The following KCND3 variants were observed in gnomAD, a reference collection of about 807,000 sequenced individuals.
The protein encoded by KCND3 is potassium voltage-gated channel subfamily D member 3, also known as A-type voltage-gated potassium channel KCND3.
KCND3 carries 9 observed loss-of-function variants against 51.1 expected under a neutral mutation model. The ratio of observed to expected loss-of-function variants is 0.18; its 90% confidence interval spans 0.11 to 0.31. The LOEUF is 0.31. Ranked by LOEUF, KCND3 falls within the 10% of genes least tolerant of loss-of-function variation. KCND3 has a pLI of 1.00. For missense variants in KCND3, 526 were observed against 903.8 expected (o/e 0.58, Z 5.36); for synonymous variants, 349 against 368.0 (o/e 0.95, Z 0.59).
At chr1:111,858,352 C>T (rs1171342558) in intron 2 of KCND3, among the ~76,000 whole-genome samples, 2 of 152,156 alleles carry the variant, frequency 1.3e-5, no homozygotes. Flanking sequence ...TAAGTTCAAC[C>T]TATCCTGAGC....
chr1:111,852,344 G>A (rs1398959738), intron 2 of KCND3, among the ~76,000 whole-genome samples: 1 of 152,212 alleles, frequency 6.6e-6, no homozygotes, highest in African/African-American at 2.4e-5. Flanking sequence ...CCCTCTGTGG[G>A]GCCTGCTCAG....
At chr1:111,965,096 T>G (rs972167883) in intron 2 of KCND3, among the ~76,000 whole-genome samples, 1 of 150,272 alleles carries the variant, frequency 6.7e-6, no homozygotes, top group Non-Finnish European at 1.5e-5. Context: ...TCATTTTTTT[T>G]GTAAACAGGA....
At chr1:111,891,583 TA>T (rs1558002351) in intron 2 of KCND3, among the ~76,000 whole-genome samples, 1 of 152,154 alleles carries the variant, frequency 6.6e-6, no homozygotes, top group Non-Finnish European at 1.5e-5. Flanking sequence ...ATTAACTTGT[TA>T]AACACTGTTC....
chr1:111,899,103 T>C (rs1035958714), intron 2 of KCND3, among the ~76,000 whole-genome samples: 2 of 152,182 alleles, frequency 1.3e-5, no homozygotes, highest in Non-Finnish European at 2.9e-5. Flanking sequence ...CAGTGCTTCT[T>C]GCTGAAGATC....
chr1:111,924,053 A>G (rs1249933260), intron 2 of KCND3, among the ~76,000 whole-genome samples: 2 of 152,210 alleles, frequency 1.3e-5, no homozygotes, highest in Non-Finnish European at 2.9e-5. Context: ...TAGGACTCGC[A>G]GTCACAAGCA....
chr1:111,946,277 G>A (rs1022408749), intron 2 of KCND3, among the ~76,000 whole-genome samples: 2 of 152,184 alleles, frequency 1.3e-5, no homozygotes, highest in African/African-American at 4.8e-5. Flanking sequence ...GGAAGGCCAG[G>A]AAAGGCTCCA....
chr1:111,927,545 A>T (rs1671764383), intron 2 of KCND3, among the ~76,000 whole-genome samples: 1 of 152,268 alleles, frequency 6.6e-6, no homozygotes, highest in African/African-American at 2.4e-5. Context: ...CCACGTGTGC[A>T]GAGGGAGAGA....
chr1:111,878,880 A>G (rs1266159853), intron 2 of KCND3, among the ~76,000 whole-genome samples: 1 of 152,110 alleles, frequency 6.6e-6, no homozygotes, highest in Non-Finnish European at 1.5e-5. Flanking sequence ...TCCTGATGAG[A>G]TCAACATTCG....
intron 2 of KCND3, among the ~76,000 whole-genome samples, chr1:111,847,986 C>T (rs1165979638): frequency 2.6e-5 from 4 of 152,244 alleles, no homozygotes; most frequent in Admixed American, 6.5e-5. Context: ...CACGGCCTCC[C>T]CTCAGGCCAC....
intron 2 of KCND3, among the ~76,000 whole-genome samples, chr1:111,822,428 C>T (rs902294032): frequency 2.6e-5 from 4 of 152,186 alleles, no homozygotes; most frequent in Non-Finnish European, 5.9e-5. Context: ...AATTTGACTA[C>T]TCTAAATACT....
intron 2 of KCND3, among the ~76,000 whole-genome samples, chr1:111,865,174 T>C (rs1373296601): frequency 1.3e-5 from 2 of 152,222 alleles, no homozygotes; most frequent in Admixed American, 1.3e-4. Flanking sequence ...TTATTAATAG[T>C]TATTGAGTAG....
At chr1:111,940,669 A>C (rs912744979) in intron 2 of KCND3, among the ~76,000 whole-genome samples, 1 of 152,124 alleles carries the variant, frequency 6.6e-6, no homozygotes, top group Non-Finnish European at 1.5e-5. Flanking sequence ...GCAGTTTTGA[A>C]TCCTCTTTCA....
chr1:111,830,360 G>T (rs1456370443), intron 2 of KCND3, among the ~76,000 whole-genome samples: 3 of 152,220 alleles, frequency 2.0e-5, no homozygotes, highest in African/African-American at 7.2e-5. Flanking sequence ...CTCAGACCTT[G>T]CACTCATTCA....
At chr1:111,885,003 T>C (rs1006438928) in intron 2 of KCND3, among the ~76,000 whole-genome samples, 2 of 152,186 alleles carry the variant, frequency 1.3e-5, no homozygotes, top group African/African-American at 4.8e-5. Context: ...CTCAGTCAAA[T>C]GTGACAACCA....
intron 6 of KCND3, among the ~76,000 whole-genome samples, chr1:111,777,914 T>G (rs992718036): frequency 3.9e-5 from 6 of 152,274 alleles, no homozygotes; most frequent in African/African-American, 1.4e-4. Flanking sequence ...GGGAAGGGAT[T>G]GCTAACTGTC....
chr1:111,981,214 AC>A lies in KCND3; in HGVS notation c.1106+406del, dbSNP rs1674927845. 6.6e-6 allele frequency among the ~76,000 whole-genome samples: 1 copy of A among 151,162 alleles called. No homozygotes were observed. The highest frequency in any genetic ancestry group is 2.1e-4 in the South Asian group (1 of 4,748). Reference sequence around the variant, plus strand: ...GTGTCTTCTGGTAATGGACATCTGAACCCTCCGAACTTCTCAACAGTCTCCT... The same window carrying A: ...GTGTCTTCTGGTAATGGACATCTGAACCTCCGAACTTCTCAACAGTCTCCT... On this transcript the variant is annotated intron_variant, in intron 2 of 7. Coordinates refer to ENST00000302127, the MANE Select transcript of KCND3 (RefSeq NM_001378969.1). This position sits in a 1 kb window ranked among gnomAD's most constrained non-coding sequence, Gnocchi z 6.2.
chr1:111,954,255 A>G (rs1317348618), intron 2 of KCND3, among the ~76,000 whole-genome samples: 2 of 152,120 alleles, frequency 1.3e-5, no homozygotes, highest in Non-Finnish European at 2.9e-5. Flanking sequence ...AGTTTTTGTG[A>G]GCCATCTGCT....
chr1:111,911,693 A>G (rs1447059568), intron 2 of KCND3, among the ~76,000 whole-genome samples: 2 of 152,238 alleles, frequency 1.3e-5, no homozygotes, highest in African/African-American at 4.8e-5. Flanking sequence ...TAAAATAAGG[A>G]TAATGCAAGT....
chr1:111,986,272 T>C (rs1675279486), intron 1 of KCND3, among the ~76,000 whole-genome samples: 2 of 152,248 alleles, frequency 1.3e-5, no homozygotes, highest in Admixed American at 1.3e-4. Flanking sequence ...TAAAATCCTA[T>C]GATAAAGGCT....
Sources: allele counts gnomAD v4.1 joint callset (sites outside exome capture counted in the v4.1 genomes callset), GRCh38; gene constraint gnomAD v4.1.1; non-coding constraint Gnocchi (gnomAD v3.1); transcripts MANE v1.5; gene names NCBI Gene and HGNC (gene_info 2026-07-23, HGNC 2026-07-21).